KCNAB1: variants seen among roughly 807,000 people sequenced by gnomAD.
KCNAB1 encodes potassium voltage-gated channel subfamily A regulatory beta subunit 1.
Under a neutral mutation model 64.6 loss-of-function variants are expected in KCNAB1, and 35 were observed. That is an observed-to-expected ratio of 0.54 (90% CI 0.41 to 0.72). The LOEUF is 0.72. KCNAB1 is among the 30% of genes least tolerant of loss of function. The pLI is 0.00. For synonymous variants in KCNAB1, 177 were observed against 183.8 expected, an observed-to-expected ratio of 0.96 and a Z score of 0.30; for missense variants, 401 against 512.9, an observed-to-expected ratio of 0.78 and a Z score of 2.11.
chr3:156,137,052 G>A (rs1372976993), intron 1 of KCNAB1, among the ~76,000 whole-genome samples: 2 of 151,836 alleles, frequency 1.3e-5, no homozygotes, highest in African/African-American at 4.8e-5. Context: ...TTTTGGTTTG[G>A]GGGTACATGC....
intron 1 of KCNAB1, among the ~76,000 whole-genome samples, chr3:156,131,379 C>T (rs1168331942): frequency 6.6e-6 from 1 of 152,190 alleles, no homozygotes; most frequent in East Asian, 1.9e-4. Flanking sequence ...ATTTTTGGTA[C>T]ACACATTGTG....
At chr3:156,395,502 G>A (rs1331682599) in intron 1 of KCNAB1, among the ~76,000 whole-genome samples, 10 of 115,680 alleles carry the variant, frequency 8.6e-5, no homozygotes, top group Admixed American at 3.6e-4. Context: ...CCGAGATCCC[G>A]CCACTGCACT....
At chr3:156,465,565 A>C (rs1713304805) in intron 6 of KCNAB1, 78 bp from the exon 7 acceptor site, 3 of 1,325,210 alleles carry the variant, frequency 2.3e-6, no homozygotes, top group South Asian at 2.4e-5. Context: ...GTGCAAAATT[A>C]GCAATTCAGA....
intron 1 of KCNAB1, among the ~76,000 whole-genome samples, chr3:156,229,571 G>C (rs1484655001): frequency 2.0e-5 from 3 of 152,224 alleles, no homozygotes; most frequent in Non-Finnish European, 4.4e-5. Flanking sequence ...TATTCATCCT[G>C]AAGTGTAATC....
intron 1 of KCNAB1, among the ~76,000 whole-genome samples, chr3:156,405,257 C>G (rs1267368881): frequency 1.3e-5 from 2 of 152,168 alleles, no homozygotes; most frequent in Non-Finnish European, 2.9e-5. Context: ...TCAGCCTAGG[C>G]AAGATGAAGC....
intron 12 of KCNAB1, among the ~76,000 whole-genome samples, chr3:156,524,572 C>A (rs982582184): frequency 8.6e-5 from 13 of 151,774 alleles, no homozygotes; most frequent in Non-Finnish European, 1.6e-4. Flanking sequence ...ACAGTGAAAC[C>A]CCGTCTCTAC....
chr3:156,387,241 C>T (rs991305413), intron 1 of KCNAB1, among the ~76,000 whole-genome samples: 4 of 152,014 alleles, frequency 2.6e-5, no homozygotes, highest in Non-Finnish European at 4.4e-5. Flanking sequence ...GAATGACCAC[C>T]TTTGTGCTGT....
intron 1 of KCNAB1, among the ~76,000 whole-genome samples, chr3:156,268,004 A>G (rs1462795036): frequency 6.6e-6 from 1 of 151,322 alleles, no homozygotes; most frequent in Non-Finnish European, 1.5e-5. Flanking sequence ...TTTTTAATCC[A>G]TTAGCCACCC....
At chr3:156,457,940 T>G (rs1220089120) in intron 4 of KCNAB1, among the ~76,000 whole-genome samples, 1 of 152,180 alleles carries the variant, frequency 6.6e-6, no homozygotes, top group Non-Finnish European at 1.5e-5. Context: ...CATAACCATA[T>G]CTCATAGTTT....
At chr3:156,208,637 T>A (rs945298427) in intron 1 of KCNAB1, among the ~76,000 whole-genome samples, 7 of 152,124 alleles carry the variant, frequency 4.6e-5, no homozygotes, top group Admixed American at 4.6e-4. Flanking sequence ...GGGAAAAAAA[T>A]ACTTGCCCAT....
intron 1 of KCNAB1, among the ~76,000 whole-genome samples, chr3:156,395,171 T>A (rs1302225338): frequency 6.6e-6 from 1 of 152,210 alleles, no homozygotes; most frequent in Non-Finnish European, 1.5e-5. Context: ...TTTTCATTGA[T>A]CAAAACAAAT....
chr3:156,533,705 G>A (rs1333756553), intron 13 of KCNAB1, among the ~76,000 whole-genome samples: 1 of 152,120 alleles, frequency 6.6e-6, no homozygotes, highest in Non-Finnish European at 1.5e-5. Context: ...TGGCCATGGA[G>A]GGGGAGAGAA....
intron 1 of KCNAB1, among the ~76,000 whole-genome samples, chr3:156,224,209 G>A (rs909236533): frequency 2.6e-5 from 4 of 152,224 alleles, no homozygotes; most frequent in African/African-American, 7.2e-5. Flanking sequence ...CCAGCCAGCC[G>A]GCCGCTCTGA....
intron 1 of KCNAB1, among the ~76,000 whole-genome samples, chr3:156,195,342 A>T (rs1451134901): frequency 2.0e-5 from 3 of 152,172 alleles, no homozygotes; most frequent in Non-Finnish European, 4.4e-5. Flanking sequence ...CTGGTTCTAG[A>T]TCCTTGAGGA....
At chr3:156,345,082 G>A (rs1421211977) in intron 1 of KCNAB1, among the ~76,000 whole-genome samples, 1 of 152,190 alleles carries the variant, frequency 6.6e-6, no homozygotes, top group African/African-American at 2.4e-5. Context: ...TGCATGCTGT[G>A]TTCAGCAGGC....
intron 1 of KCNAB1, among the ~76,000 whole-genome samples, chr3:156,286,382 A>C (rs545448640): frequency 6.6e-6 from 1 of 152,358 alleles, no homozygotes; most frequent in South Asian, 2.1e-4. Flanking sequence ...CACATGTTTA[A>C]AATTCTTCTA....
At chr3:156,515,888 C>A (rs1465729196) in intron 10 of KCNAB1, among the ~76,000 whole-genome samples, 1 of 152,066 alleles carries the variant, frequency 6.6e-6, no homozygotes, top group Non-Finnish European at 1.5e-5. Context: ...CAATAACAAC[C>A]GTAATAATTG....
chr3:156,237,299 A>AT (rs903759552), intron 1 of KCNAB1, among the ~76,000 whole-genome samples: 4 of 152,144 alleles, frequency 2.6e-5, no homozygotes, highest in African/African-American at 4.8e-5. Flanking sequence ...TAAAATTGCC[A>AT]TTTTTTTCTT....
chr3:156,296,461 T>TC (rs9331285), intron 1 of KCNAB1, among the ~76,000 whole-genome samples: 1,216 of 111,622 alleles, frequency 0.011, 17 homozygotes, highest in East Asian at 0.022. Context: ...AAACTTCAAC[T>TC]CCCCCCCCCC....
Sources: gnomAD v4.1 joint callset for allele counts (sites outside exome capture counted in the v4.1 genomes callset) on GRCh38, gnomAD v4.1.1 for gene constraint, MANE v1.5 for transcripts, NCBI Gene and HGNC (gene_info 2026-07-23, HGNC 2026-07-21) for gene names.